The following URB1 variants were observed in gnomAD, a reference collection of about 807,000 sequenced individuals.
URB1 encodes nucleolar pre-ribosomal-associated protein 1.
A neutral mutation model predicts 242.3 loss-of-function variants in URB1; 197 were observed. That is an observed-to-expected ratio of 0.81 (90% CI 0.72 to 0.91). URB1 has a LOEUF of 0.91. Among genes scored for constraint, URB1 ranks in the 40% least tolerant of loss-of-function variants. The probability of loss-of-function intolerance (pLI) is 0.00; values close to 1 mark genes in which losing one functional copy is unlikely to be tolerated. For missense variants in URB1, 2,721 were observed against 2,860.5 expected, an observed-to-expected ratio of 0.95 and a Z score of 1.11; for synonymous variants, 1,153 against 1,201.8, an observed-to-expected ratio of 0.96 and a Z score of 0.84.
chr21:32,330,210 T>TG (rs1434279708), intron 30 of URB1, among the ~76,000 whole-genome samples: 1 of 150,502 alleles, frequency 6.6e-6, no homozygotes, highest in Middle Eastern at 3.2e-3. Flanking sequence ...TTTTTTTTTT[T>TG]TTTTTTTTTT....
In URB1 at chr21:32,366,762, A is replaced by T; in HGVS notation, c.1198-7T>A. 6.4e-7 allele frequency: 1 copy of T among 1,551,034 alleles called. No homozygotes were observed. The highest frequency in any genetic ancestry group is 8.7e-7 in the Non-Finnish European group (1 of 1,146,680). ...CCGGCTGAGCCTCATAGATCTAGGA[A>T]AAGCAAAAAAGAGATTTAGGTGGTG... On this transcript the variant is annotated splice_region_variant and splice_polypyrimidine_tract_variant and intron_variant, in intron 9 of 38. Transcript: ENST00000382751.
intron 30 of URB1, among the ~76,000 whole-genome samples, chr21:32,331,877 C>G (rs1294924888): frequency 6.6e-6 from 1 of 152,230 alleles, no homozygotes; most frequent in African/African-American, 2.4e-5. Context: ...ATGTTCCTCT[C>G]CTGGGCAGTG....
At position 32,347,752 on chromosome 21, in the gene URB1, C is replaced by T; in HGVS notation, c.3072G>A (p.Leu1024=). 1.9e-6 allele frequency: 3 copies of T among 1,549,422 alleles called. No homozygotes were observed. In the South Asian group the frequency reaches 3.6e-5, roughly 18 times the overall value. The change falls in exon 22 of 39, where the codon CTG becomes CTA. Residue 1024 remains leucine (L), a synonymous_variant. Coordinates refer to ENST00000382751, the MANE Select transcript of URB1 (RefSeq NM_014825.3). ...GCGGGAGGGCCTGCTGCTCCAGGGC[C>T]AGGAACCAGCCCTCCAGGGTGGGGT... The part of the protein sequence containing the change: ...LRHPTLEGWF[L]ALEQQALPPH...
Position 32,332,201 on chromosome 21 carries a change from A to G in URB1, c.4960+1116T>C, listed in dbSNP as rs143524513. Among the ~76,000 whole-genome samples the G allele has an allele frequency of 2.1e-3, 315 of 152,282 alleles. 4 individuals carry two copies. The highest frequency in any genetic ancestry group is 7.3e-3 in the African/African-American group (303 of 41,574). ...GATCACGGGCTTAAATTTAAAGAGTAAAACTAGAAACTTTTAGATAGAAAC... is the reference window on the plus strand; with the variant it reads ...GATCACGGGCTTAAATTTAAAGAGTGAAACTAGAAACTTTTAGATAGAAAC... On this transcript the variant is annotated intron_variant, in intron 30 of 38. Coordinates refer to ENST00000382751, the MANE Select transcript of URB1 (RefSeq NM_014825.3).
In URB1 at chr21:32,312,346, A is replaced by G; in HGVS notation, c.*2572T>C. ...CTTTACCATTACTGTGTAATGCGTT[A>G]TCAGCCCTGAGTTCACCTGGTCCTT... On this transcript the variant is annotated 3_prime_UTR_variant, in exon 39 of 39. Transcript: ENST00000382751. 6 of 1,209,894 alleles carry G rather than the reference A, an allele frequency of 5.0e-6. No individual in the cohort carries two copies. Among genetic ancestry groups the G allele is most frequent in the Non-Finnish European group, 4.2e-6 (4 of 957,318 alleles). 74.9% of individuals were successfully genotyped at this position (1,209,894 alleles called of 1,614,324 possible).
At chr21:32,361,203 G>GAAAGAAAGAAAGAAAC in intron 12 of URB1, 80 bp from the exon 13 acceptor site, 1 of 936,396 alleles carries the variant, frequency 1.1e-6, no homozygotes, top group Non-Finnish European at 1.5e-6. Flanking sequence ...AAGAAAGAAA[G>GAAAGAAAGAAAGAAAC]AAAATAGCTT....
At chr21:32,385,189 G>A (rs1018686139) in intron 2 of URB1, among the ~76,000 whole-genome samples, 2 of 152,114 alleles carry the variant, frequency 1.3e-5, no homozygotes, top group African/African-American at 4.8e-5. Flanking sequence ...CAATCTCTTT[G>A]GAATCAGAAA....
chr21:32,354,883 T>A lies in URB1; in HGVS notation c.2221A>T (p.Ser741Cys). The change falls in exon 17 of 39, where the codon AGC becomes TGC. Residue 741 changes from serine to cysteine, a missense_variant. Transcript: ENST00000382751. Reference sequence around the variant, plus strand: ...CCGTCAATGTGGGAGATGGGAATGCTCATGTCATCGGCTTCTTGCTTCGTC... The same window carrying A: ...CCGTCAATGTGGGAGATGGGAATGCACATGTCATCGGCTTCTTGCTTCGTC... ...TMTKQEADDMSIPISHIDDVL... is the reference protein window; with the variant it reads ...TMTKQEADDMCIPISHIDDVL... 1 of 1,552,394 alleles carries A rather than the reference T, an allele frequency of 6.4e-7. No individual in the cohort carries two copies. The highest frequency in any genetic ancestry group is 1.2e-5 in the South Asian group (1 of 84,056).
At chr21:32,359,748 G>C in intron 14 of URB1, 48 bp downstream of exon 14, 1 of 1,482,362 alleles carries the variant, frequency 6.7e-7, no homozygotes, top group South Asian at 1.3e-5. Flanking sequence ...AAGCCACCCG[G>C]CCCAGCAGGT....
chr21:32,320,790 A>G, intron 34 of URB1, 150 bp from the exon 35 acceptor site: 1 of 635,426 alleles, frequency 1.6e-6, no homozygotes, highest in East Asian at 2.8e-5. Flanking sequence ...AGCGGTGGCC[A>G]TGTACGAACG....
At chr21:32,320,465 A>AGACAT in intron 35 of URB1, 66 bp downstream of exon 35, 1 of 1,186,164 alleles carries the variant, frequency 8.4e-7, no homozygotes, top group Non-Finnish European at 1.2e-6. Context: ...AGCTGGCAGC[A>AGACAT]GACGTCATCG....
In URB1 at chr21:32,350,887, G is replaced by C. The variant is rs1198851886; in HGVS notation, c.2649C>G (p.Ala883=). 6.5e-7 allele frequency: 1 copy of C among 1,549,584 alleles called. No individual in the cohort carries two copies. Among genetic ancestry groups the C allele is most frequent in the Admixed American group, 2.0e-5 (1 of 51,008 alleles). Residue 883 remains alanine (A), a synonymous_variant, in exon 20 of 39, where the codon GCC becomes GCG. Coordinates refer to ENST00000382751, the MANE Select transcript of URB1 (RefSeq NM_014825.3). ...LQAQGSPSPP[A]LPLASSFTAL... is the part of the protein sequence containing the mutation. ...CTGTGAAGGACGAGGCCAAGGGAAGGGCAGGGGGCGAGGGGCTGCCCTGTG... is the reference window on the plus strand; with the variant it reads ...CTGTGAAGGACGAGGCCAAGGGAAGCGCAGGGGGCGAGGGGCTGCCCTGTG...
rs145426894 is a variant in URB1 at position 32,374,262 on chromosome 21, T to C, written c.751-490A>G. Among the ~76,000 whole-genome samples, 40 of 152,338 alleles carry C rather than the reference T, an allele frequency of 2.6e-4. No homozygotes were observed. In the South Asian group the frequency reaches 7.3e-3, roughly 28 times the overall value. Reference sequence around the variant, plus strand: ...TTAGCATCCTTGAACATAGTCTTCATTGCATCTGACTTTGGACTTGACACT... The same window carrying C: ...TTAGCATCCTTGAACATAGTCTTCACTGCATCTGACTTTGGACTTGACACT... On this transcript the variant is annotated intron_variant, in intron 6 of 38. Coordinates refer to ENST00000382751, the MANE Select transcript of URB1 (RefSeq NM_014825.3).
intron 24 of URB1, among the ~76,000 whole-genome samples, chr21:32,344,369 C>T (rs1028258783): frequency 6.6e-6 from 1 of 152,104 alleles, no homozygotes; most frequent in Non-Finnish European, 1.5e-5. Context: ...TGACAAAATC[C>T]AAACATCCAT....
chr21:32,366,692 G>A lies in URB1; in HGVS notation c.1261C>T (p.Arg421Trp), dbSNP rs757692714. 1.8e-5 allele frequency: 28 copies of A among 1,551,490 alleles called. 1 individual carries two copies. Among genetic ancestry groups the A allele is most frequent in the South Asian group, 9.5e-5 (8 of 84,050 alleles). Reference protein sequence around the residue: ...FQTREFIPLPRLLAMVMVTTV... With the variant: ...FQTREFIPLPWLLAMVMVTTV... The stretch of plus-strand genomic sequence containing the variant: ...GTCACCATCACCATTGCCAGGAGCC[G>A]AGGCAAGGGTATAAACTCTCTGGTC... The change falls in exon 10 of 39, where the codon CGG (arginine) becomes TGG (tryptophan). Residue 421 changes from arginine to tryptophan, a missense_variant. Transcript: ENST00000382751.
Position 32,350,873 on chromosome 21 carries a change from G to A in URB1, c.2663C>T (p.Ser888Leu), listed in dbSNP as rs372046735. ...SPSPPALPLASSFTALLQAAY... is the reference protein window; with the variant it reads ...SPSPPALPLALSFTALLQAAY... ...TGCCTGCAGCAGGGCTGTGAAGGAC[G>A]AGGCCAAGGGAAGGGCAGGGGGCGA... Residue 888 changes from serine to leucine, a missense_variant, in exon 20 of 39, where the codon TCG becomes TTG. Physicochemically the swap from Ser to Leu is moderately radical, Grantham distance 145 (BLOSUM62 -2). Transcript: ENST00000382751. The A allele has an allele frequency of 1.2e-5, 18 of 1,550,420 alleles. No individual in the cohort carries two copies. The highest frequency in any genetic ancestry group is 1.9e-4 in the Middle Eastern group (1 of 5,336).
At chr21:32,315,591 G>A (rs1892573) in intron 38 of URB1, among the ~76,000 whole-genome samples, 31,414 of 152,158 alleles carry the variant, frequency 0.21, 5,007 homozygotes, top group African/African-American at 0.44. Flanking sequence ...GTGCCTGGCA[G>A]AAATTTATCT....
Position 32,375,379 on chromosome 21 carries a change from C to G in URB1, c.750+19G>C, listed in dbSNP as rs79111976. 1.4e-6 allele frequency: 2 copies of G among 1,449,036 alleles called. No individual in the cohort carries two copies. The highest frequency in any genetic ancestry group is 2.5e-5 in the Admixed American group (1 of 40,358). 89.8% of individuals were successfully genotyped at this position (1,449,036 alleles called of 1,614,324 possible). ...CAAGGGAAAACAGACAACAGAAACG[C>G]GGATCACCAAGCACATACCTTTGTT... On this transcript the variant is annotated intron_variant, in intron 6 of 38. Transcript: ENST00000382751.
intron 30 of URB1, among the ~76,000 whole-genome samples, chr21:32,327,607 G>C (rs1465962295): frequency 6.6e-6 from 1 of 152,126 alleles, no homozygotes; most frequent in Non-Finnish European, 1.5e-5. Flanking sequence ...GTAACAATAT[G>C]GCAAATATCA....
Sources: gnomAD v4.1 joint callset for allele counts (sites outside exome capture counted in the v4.1 genomes callset) on GRCh38, gnomAD v4.1.1 for gene constraint, MANE v1.5 for transcripts, NCBI Gene and HGNC (gene_info 2026-07-23, HGNC 2026-07-21) for gene names.